ABHD2: variants seen among roughly 807,000 people sequenced by gnomAD.
ABHD2 encodes the protein abhydrolase domain containing 2, acylglycerol lipase, also known as monoacylglycerol lipase ABHD2.
In ABHD2, 20 loss-of-function variants were observed where a neutral mutation model predicts 48.1. The observed-to-expected ratio is 0.42, with a 90% CI of 0.29 to 0.60. The LOEUF (loss-of-function observed/expected upper bound fraction) is 0.60. ABHD2 is among the 20% of genes least tolerant of loss of function. ABHD2 has a pLI of 0.24. For synonymous variants in ABHD2, 209 were observed against 214.2 expected (o/e 0.98, Z 0.21); for missense variants, 405 against 550.9 (o/e 0.74, Z 2.65).
chr15:89,083,641 C>T (rs1355485191), upstream of ABHD2, among the ~76,000 whole-genome samples: 1 of 152,086 alleles, frequency 6.6e-6, no homozygotes, highest in Non-Finnish European at 1.5e-5. This position sits in a 1 kb window ranked among gnomAD's most constrained non-coding sequence, Gnocchi z 5.1. Flanking sequence ...AAAATTTTGC[C>T]AGGACAACAT....
rs34976748 is a variant in ABHD2, at chr15:89,120,846, GA to G, written c.194+4335del. 0.35 allele frequency: 53,124 copies of G among 150,756 alleles called. 10,045 individuals carry two copies. Among genetic ancestry groups the G allele is most frequent in the Non-Finnish European group, 0.44 (29,539 of 67,650 alleles). 9.3% of individuals were successfully genotyped at this position (150,756 alleles called of 1,614,324 possible). A position where few individuals can be genotyped will look rare whatever the true frequency, so the allele number is the denominator to read the frequency against. On this transcript the variant is annotated intron_variant, in intron 3 of 10. Transcript: ENST00000352732. The surrounding 1 kb of genome is among the most constrained non-coding windows in gnomAD (Gnocchi z 4.2). ...GTTTTTAGCAGAAAACCTCCCACGT[GA>G]AAAAAAAAATTATAATTCTACCCAG...
intron 3 of ABHD2, among the ~76,000 whole-genome samples, chr15:89,122,091 A>G (rs1436676522): frequency 2.0e-5 from 3 of 152,118 alleles, no homozygotes; most frequent in Non-Finnish European, 4.4e-5. Context: ...TGGCCTCCCA[A>G]AGCGCTGGGA....
Position 89,185,507 on chromosome 15 carries a change from T to G in ABHD2, c.806T>G (p.Leu269Arg). The change falls in exon 7 of 11, where the codon CTC becomes CGC. Residue 269 changes from leucine to arginine, a missense_variant. Coordinates refer to ENST00000352732, the MANE Select transcript of ABHD2 (RefSeq NM_152924.5). This position sits in a 1 kb window ranked among gnomAD's most constrained non-coding sequence, Gnocchi z 5.9. ...GCTGACAACATGAAGAAGATCATCC[T>G]CTCGCACAGGTAGGTCACCTTCCGT... ...LMADNMKKIILSHRQALFGDH... is the reference protein window; with the variant it reads ...LMADNMKKIIRSHRQALFGDH... 1 of 1,613,882 alleles carries G rather than the reference T, an allele frequency of 6.2e-7. No individual in the cohort carries two copies. The highest frequency in any genetic ancestry group is 8.5e-7 in the Non-Finnish European group (1 of 1,179,902).
At chr15:89,123,593 C>CT (rs138910210) in intron 3 of ABHD2, among the ~76,000 whole-genome samples, 1,699 of 96,596 alleles carry the variant, frequency 0.018, 63 homozygotes, top group South Asian at 0.042. Flanking sequence ...TTCTTTCTTT[C>CT]TTTTTTTTTT....
In ABHD2 at chr15:89,161,565, T is replaced by C. The variant is rs2050762412; in HGVS notation, c.538+6031T>C. 2.6e-5 allele frequency among the ~76,000 whole-genome samples: 4 copies of C among 152,144 alleles called. No individual in the cohort carries two copies. The South Asian group carries it at 8.3e-4, about 31-fold the overall frequency. ...ATAAGCACCCGCCACCACACCCAGC[T>C]AATTTTTGTATATTTAGTAGAGACA... On this transcript the variant is annotated intron_variant, in intron 5 of 10. Coordinates refer to ENST00000352732, the MANE Select transcript of ABHD2 (RefSeq NM_152924.5).
chr15:89,123,833 C>G (rs1419410054), intron 3 of ABHD2, among the ~76,000 whole-genome samples: 1 of 152,052 alleles, frequency 6.6e-6, no homozygotes. Context: ...TGGTCTTAAA[C>G]CCCTGGGCTA....
the ABHD2 span, among the ~76,000 whole-genome samples, chr15:89,057,920 C>T: frequency 6.6e-6 from 1 of 152,194 alleles, no homozygotes; most frequent in African/African-American, 2.4e-5. Flanking sequence ...TGCAGCTCTT[C>T]GCCCTCTACC....
intron 5 of ABHD2, among the ~76,000 whole-genome samples, chr15:89,169,077 G>A (rs1001996338): frequency 2.6e-5 from 4 of 152,136 alleles, no homozygotes; most frequent in African/African-American, 9.7e-5. Context: ...TAGGGAGACA[G>A]AGCGAGACCG....
At chr15:89,064,849 A>G in the ABHD2 span, among the ~76,000 whole-genome samples, 1 of 152,132 alleles carries the variant, frequency 6.6e-6, no homozygotes, top group African/African-American at 2.4e-5. Flanking sequence ...AAGAATGCTA[A>G]CAAAATGAAC....
chr15:89,044,724 G>A, the ABHD2 span, among the ~76,000 whole-genome samples: 148 of 152,160 alleles, frequency 9.7e-4, no homozygotes, highest in African/African-American at 3.4e-3. Flanking sequence ...GTCTGTTCAC[G>A]TCCTTCGCCC....
Position 89,200,849 on chromosome 15 carries a change from A to G in ABHD2, c.*5426A>G, listed in dbSNP as rs568253057. 6.3e-6 allele frequency: 2 copies of G among 319,452 alleles called. No homozygotes were observed. Among genetic ancestry groups the G allele is most frequent in the East Asian group, 1.5e-4 (2 of 13,386 alleles). 19.8% of individuals were successfully genotyped at this position (319,452 alleles called of 1,614,324 possible). A position where few individuals can be genotyped will look rare whatever the true frequency, so the allele number is the denominator to read the frequency against. Reference sequence around the variant, plus strand: ...TGTAATCCCAGCACTTTGGAGGCCGAGGCGGGTAGATCACCTGAGGTTAGG... The same window carrying G: ...TGTAATCCCAGCACTTTGGAGGCCGGGGCGGGTAGATCACCTGAGGTTAGG... On this transcript the variant is annotated 3_prime_UTR_variant, in exon 11 of 11. Coordinates refer to ENST00000352732, the MANE Select transcript of ABHD2 (RefSeq NM_152924.5).
intron 3 of ABHD2, among the ~76,000 whole-genome samples, chr15:89,123,712 C>T (rs1475276287): frequency 6.6e-6 from 1 of 150,470 alleles, no homozygotes; most frequent in Non-Finnish European, 1.5e-5. Flanking sequence ...ATCCTCCCAT[C>T]TCAGCCTCAC....
intron 3 of ABHD2, among the ~76,000 whole-genome samples, chr15:89,129,444 G>A (rs1383977516): frequency 6.6e-6 from 1 of 152,162 alleles, no homozygotes; most frequent in Non-Finnish European, 1.5e-5. Context: ...TGTGTTTTCA[G>A]GAGTGAGGTG....
Position 89,195,214 on chromosome 15 carries a change from G to A in ABHD2, c.1082-13G>A, listed in dbSNP as rs781312752. The A allele has an allele frequency of 8.7e-6, 14 of 1,610,560 alleles. No homozygotes were observed. In the East Asian group the frequency reaches 8.9e-5, roughly 10 times the overall value. ...AGAGAACAGTAACTCACTCAGCTGC[G>A]TTTCCCCTGCAGAGAAACGAGAGAA... On this transcript the variant is annotated splice_polypyrimidine_tract_variant and intron_variant, in intron 10 of 10. Transcript: ENST00000352732. This position sits in a 1 kb window ranked among gnomAD's most constrained non-coding sequence, Gnocchi z 5.1.
chr15:89,079,526 G>C, the ABHD2 span, among the ~76,000 whole-genome samples: 2,381 of 151,560 alleles, frequency 0.016, 63 homozygotes, highest in African/African-American at 0.055. The surrounding 1 kb of genome is among the most constrained non-coding windows in gnomAD (Gnocchi z 4.3). Context: ...TACATGGATA[G>C]AGATCTGTCT....
At chr15:89,058,325 C>T in the ABHD2 span, among the ~76,000 whole-genome samples, 1 of 152,184 alleles carries the variant, frequency 6.6e-6, no homozygotes, top group Non-Finnish European at 1.5e-5. Flanking sequence ...CCTTACAACC[C>T]TGAAAACAGC....
chr15:89,183,384 A>AAAAAATATATAT lies in ABHD2; in HGVS notation c.723-2039_723-2038insAAAATATATATA, dbSNP rs61602174. 7.3e-3 allele frequency: 336 copies of AAAAAATATATAT among 46,200 alleles called. 12 individuals are homozygous for AAAAAATATATAT. The highest frequency in any genetic ancestry group is 0.011 in the Non-Finnish European group (266 of 23,570). The allele number at this position is 46,200 out of a possible 1,614,324, so 2.9% of individuals were successfully genotyped here. ...AGTCCTTTTCAAAAAAAAAAAAAAAAATATATATATATATATATATATATA... is the reference window on the plus strand; with the variant it reads ...AGTCCTTTTCAAAAAAAAAAAAAAAAAAAAATATATATATATATATATATATATATATATATA... On this transcript the variant is annotated intron_variant, in intron 6 of 10. Transcript: ENST00000352732.
At chr15:89,158,359 TA>T (rs1276900890) in intron 5 of ABHD2, among the ~76,000 whole-genome samples, 6 of 152,226 alleles carry the variant, frequency 3.9e-5, no homozygotes, top group Non-Finnish European at 8.8e-5. Context: ...CTGTATAGTC[TA>T]GGCCTCCCAG....
At chr15:89,043,690 A>G in the ABHD2 span, among the ~76,000 whole-genome samples, 2 of 113,262 alleles carry the variant, frequency 1.8e-5, no homozygotes. Context: ...GAGGAGGGGG[A>G]GGAGGAGGAG....
Sources: allele counts gnomAD v4.1 joint callset (sites outside exome capture counted in the v4.1 genomes callset), GRCh38; gene constraint gnomAD v4.1.1; non-coding constraint Gnocchi (gnomAD v3.1); transcripts MANE v1.5; gene names NCBI Gene and HGNC (gene_info 2026-07-23, HGNC 2026-07-21).